The following ALLC variants were observed in gnomAD, a reference collection of about 807,000 sequenced individuals.
ALLC encodes probable inactive allantoicase.
ALLC carries 40 observed loss-of-function variants against 45.0 expected under a neutral mutation model. The observed-to-expected ratio is 0.89, with a 90% CI of 0.69 to 1.16. ALLC has a LOEUF of 1.16. Ranked by LOEUF, ALLC falls within the 50% of genes most tolerant of loss-of-function variation. ALLC has a pLI of 0.00. For synonymous variants in ALLC, 176 were observed against 178.1 expected (o/e 0.99, Z 0.09); for missense variants, 488 against 493.1 (o/e 0.99, Z 0.10).
intron 1 of ALLC, among the ~76,000 whole-genome samples, chr2:3,667,846 C>A (rs1666766990): frequency 6.6e-6 from 1 of 152,192 alleles, no homozygotes; most frequent in South Asian, 2.1e-4. Context: ...CTCACCGCAA[C>A]CTCCGCCTTC....
intron 10 of ALLC, among the ~76,000 whole-genome samples, chr2:3,699,507 G>C (rs1401942655): frequency 6.6e-6 from 1 of 152,004 alleles, no homozygotes; most frequent in Non-Finnish European, 1.5e-5. Context: ...TATTCCTTTG[G>C]GTATATGCCA....
intron 1 of ALLC, among the ~76,000 whole-genome samples, chr2:3,668,135 A>G (rs1666775807): frequency 6.6e-6 from 1 of 152,178 alleles, no homozygotes; most frequent in Non-Finnish European, 1.5e-5. Context: ...GGGCCCGGAT[A>G]AGGGGTGTTG....
rs1667152827 is a variant in ALLC, at chr2:3,680,651, G to C, written c.298+657G>C. On this transcript the variant is annotated intron_variant, in intron 5 of 11. Coordinates refer to ENST00000252505, the MANE Select transcript of ALLC (RefSeq NM_018436.4). The surrounding 1 kb of genome is among the most constrained non-coding windows in gnomAD (Gnocchi z 4.0). ...GAAGCGTGGCCTTGGGCAGCAGCGA[G>C]ATGGGTAAATCTCTGCACTGTTACT... 6.6e-6 allele frequency among the ~76,000 whole-genome samples: 1 copy of C among 152,218 alleles called. No individual in the cohort carries two copies. Among genetic ancestry groups the C allele is most frequent in the Admixed American group, 6.5e-5 (1 of 15,280 alleles).
chr2:3,659,968 C>G (rs1227422581), intron 1 of ALLC, among the ~76,000 whole-genome samples: 2 of 152,130 alleles, frequency 1.3e-5, no homozygotes, highest in African/African-American at 4.8e-5. Context: ...ATTTTTTTAT[C>G]TTAGGGGTGG....
At chr2:3,672,696 G>T (rs1034477574) in intron 2 of ALLC, among the ~76,000 whole-genome samples, 4 of 145,360 alleles carry the variant, frequency 2.8e-5, no homozygotes, top group Non-Finnish European at 6.0e-5. Flanking sequence ...TGGTTAGATC[G>T]GAAGTCCTCT....
At chr2:3,670,168 G>A (rs985553491) in intron 1 of ALLC, among the ~76,000 whole-genome samples, 1 of 152,170 alleles carries the variant, frequency 6.6e-6, no homozygotes, top group African/African-American at 2.4e-5. Flanking sequence ...GGAAGTGCCT[G>A]TTTGCTTTAA....
At chr2:3,681,849 A>G in intron 6 of ALLC, 136 bp downstream of exon 6, 1 of 638,246 alleles carries the variant, frequency 1.6e-6, no homozygotes, top group African/African-American at 1.9e-5. Context: ...TTGCTTACCC[A>G]CTGTGGCCTT....
intron 2 of ALLC, among the ~76,000 whole-genome samples, chr2:3,672,491 G>T (rs1309462693): frequency 8.5e-6 from 1 of 117,596 alleles, no homozygotes; most frequent in Non-Finnish European, 1.8e-5. Context: ...TTAGATCGGA[G>T]GTCCTCTGGC....
intron 9 of ALLC, among the ~76,000 whole-genome samples, chr2:3,696,960 G>T (rs1303153611): frequency 6.6e-6 from 1 of 152,164 alleles, no homozygotes; most frequent in African/African-American, 2.4e-5. Flanking sequence ...CAAAACTAAG[G>T]TTTGAACGCA....
intron 3 of ALLC, among the ~76,000 whole-genome samples, chr2:3,677,013 C>A (rs1034844495): frequency 3.1e-4 from 47 of 152,186 alleles, no homozygotes; most frequent in African/African-American, 1.1e-3. Flanking sequence ...GTCTCGAACT[C>A]CTGACCTCAG....
At chr2:3,672,044 C>T (rs1420230331) in intron 2 of ALLC, among the ~76,000 whole-genome samples, 38 of 52,146 alleles carry the variant, frequency 7.3e-4, no homozygotes, top group East Asian at 1.1e-3. Context: ...TCTAGTTAGA[C>T]CTGTGGTCCT....
At position 3,681,624 on chromosome 2, in the gene ALLC, C is replaced by T. The variant is rs766038572; in HGVS notation, c.299-10C>T. On this transcript the variant is annotated splice_polypyrimidine_tract_variant and intron_variant, in intron 5 of 11. Coordinates refer to ENST00000252505, the MANE Select transcript of ALLC (RefSeq NM_018436.4). ...CTAATCTTAATCCTGAATGGTCATT[C>T]CAACTACAGATAAACTACCAGAAAT... is the stretch of plus-strand genomic sequence containing the variant. The T allele has an allele frequency of 1.3e-6, 2 of 1,599,712 alleles. No homozygotes were observed. The highest frequency in any genetic ancestry group is 1.7e-6 in the Non-Finnish European group (2 of 1,170,806).
At chr2:3,695,909 G>A (rs372591138) in intron 8 of ALLC, 37 bp downstream of exon 8, 81 of 1,569,244 alleles carry the variant, frequency 5.2e-5, no homozygotes, top group Non-Finnish European at 6.5e-5. Context: ...TATTTAGGAA[G>A]TCTGGGTACC....
chr2:3,696,322 A>C lies in ALLC; in HGVS notation c.715A>C (p.Arg239=), dbSNP rs747051318. 2 of 1,613,624 alleles carry C rather than the reference A, an allele frequency of 1.2e-6. No individual in the cohort carries two copies. The highest frequency in any genetic ancestry group is 8.5e-7 in the Non-Finnish European group (1 of 1,179,722). Residue 239 remains arginine, a synonymous_variant, in exon 9 of 12, where the codon AGG becomes CGG. Transcript: ENST00000252505. ...SMADGWETAR[R]LDRPPILEND... ...GGCGGATGGTTGGGAAACTGCAAGA[A>C]GGCTGGACCGGCCACCAATATTAGA...
At chr2:3,671,837 T>TGGGGGTCCTCTGGCTCTGGTTAGATG (rs1666882908) in intron 2 of ALLC, among the ~76,000 whole-genome samples, 1 of 25,944 alleles carries the variant, frequency 3.9e-5, no homozygotes, top group African/African-American at 1.6e-4. Flanking sequence ...CTGGTTAGAT[T>TGGGGGTCCTCTGGCTCTGGTTAGATG]GGAGGTCCTC....
intron 7 of ALLC, among the ~76,000 whole-genome samples, chr2:3,685,686 T>G (rs917283183): frequency 6.6e-6 from 1 of 150,770 alleles, no homozygotes; most frequent in Non-Finnish European, 1.5e-5. Context: ...TCAACTGAGG[T>G]GGTATGACAT....
chr2:3,698,266 C>T (rs1460140852), intron 10 of ALLC, among the ~76,000 whole-genome samples: 3 of 152,170 alleles, frequency 2.0e-5, no homozygotes, highest in Non-Finnish European at 4.4e-5. Flanking sequence ...CCCAGCCAAC[C>T]CTTTGAACTT....
intron 7 of ALLC, chr2:3,688,403 G>C (rs1156522946): frequency 5.7e-6 from 1 of 174,902 alleles, no homozygotes; most frequent in African/African-American, 2.4e-5. Context: ...TCCTGCCAAC[G>C]TTTCCAAGAA....
chr2:3,649,726 C>T, the ALLC span, among the ~76,000 whole-genome samples: 1 of 152,242 alleles, frequency 6.6e-6, no homozygotes, highest in Non-Finnish European at 1.5e-5. Context: ...TGTCCCATCG[C>T]AGGGCAACAC....
Sources: allele counts gnomAD v4.1 joint callset (sites outside exome capture counted in the v4.1 genomes callset), GRCh38; gene constraint gnomAD v4.1.1; non-coding constraint Gnocchi (gnomAD v3.1); transcripts MANE v1.5; gene names NCBI Gene and HGNC (gene_info 2026-07-23, HGNC 2026-07-21).